The following WAPL variants were observed in gnomAD, a reference collection of about 807,000 sequenced individuals.
The protein encoded by WAPL is wings apart-like protein homolog.
WAPL carries 5 observed loss-of-function variants against 121.0 expected under a neutral mutation model. The observed-to-expected ratio is 0.04, with a 90% CI of 0.02 to 0.09. WAPL has a LOEUF of 0.09. WAPL is among the 10% of genes least tolerant of loss of function. WAPL has a pLI of 1.00. For synonymous variants in WAPL, 480 were observed against 481.5 expected, an observed-to-expected ratio of 1.00 and a Z score of 0.04; for missense variants, 999 against 1,410.8, an observed-to-expected ratio of 0.71 and a Z score of 4.68.
intron 13 of WAPL, 127 bp from the exon 14 acceptor site, chr10:86,453,462 G>A (rs1841050484): frequency 1.7e-6 from 2 of 1,206,022 alleles, no homozygotes; most frequent in Admixed American, 2.5e-5. Flanking sequence ...ACATACTATT[G>A]ATACTTCTGG....
intron 7 of WAPL, among the ~76,000 whole-genome samples, 159 bp from the exon 8 acceptor site, chr10:86,471,262 T>G (rs1841527424): frequency 6.6e-6 from 1 of 152,136 alleles, no homozygotes; most frequent in Non-Finnish European, 1.5e-5. Context: ...AACACATTAT[T>G]AAAAATATAC....
intron 9 of WAPL, among the ~76,000 whole-genome samples, chr10:86,466,145 T>C (rs1210380828): frequency 6.6e-6 from 1 of 152,158 alleles, no homozygotes; most frequent in Non-Finnish European, 1.5e-5. Context: ...CATGACTGTA[T>C]TATAAGGAAC....
chr10:86,483,794 C>CTTTTTTTTTTTT (rs35725128), intron 4 of WAPL, among the ~76,000 whole-genome samples: 1 of 69,180 alleles, frequency 1.4e-5, no homozygotes, highest in African/African-American at 5.8e-5. Context: ...ATTTTTTTTT[C>CTTTTTTTTTTTT]TTTTTTTTTT....
chr10:86,483,279 G>C (rs983215658), intron 4 of WAPL, among the ~76,000 whole-genome samples: 1 of 152,096 alleles, frequency 6.6e-6, no homozygotes, highest in Non-Finnish European at 1.5e-5. Flanking sequence ...AATTGGCTGG[G>C]CGTGGAGGTG....
In WAPL at chr10:86,491,593, A is replaced by G. The variant is rs969455821; in HGVS notation, c.1644+5608T>C. The stretch of plus-strand genomic sequence containing the variant: ...AACACATGACTCCATGACTTAAAAC[A>G]GGGAATCTATAAGATGAGCCTGAGC... On this transcript the variant is annotated intron_variant, in intron 4 of 18. Coordinates refer to ENST00000298767, the MANE Select transcript of WAPL (RefSeq NM_015045.5). Among the ~76,000 whole-genome samples, 7 of 152,300 alleles carry G rather than the reference A, an allele frequency of 4.6e-5. No homozygotes were observed. In the East Asian group the frequency reaches 1.4e-3, roughly 29 times the overall value.
At chr10:86,494,974 T>C (rs538681442) in intron 4 of WAPL, among the ~76,000 whole-genome samples, 1 of 152,226 alleles carries the variant, frequency 6.6e-6, no homozygotes, top group South Asian at 2.1e-4. Flanking sequence ...TGCAAAACTA[T>C]AGGACAATTA....
In WAPL at chr10:86,472,379, T is replaced by C; in HGVS notation, c.1894-35A>G. On this transcript the variant is annotated intron_variant, in intron 6 of 18. Coordinates refer to ENST00000298767, the MANE Select transcript of WAPL (RefSeq NM_015045.5). This position sits in a 1 kb window ranked among gnomAD's most constrained non-coding sequence, Gnocchi z 4.2. Reference sequence around the variant, plus strand: ...AAAAAAAAGTTCACCCCTTTTTAACTAGGAACTAGCATATTTAAATCTATG... The same window carrying C: ...AAAAAAAAGTTCACCCCTTTTTAACCAGGAACTAGCATATTTAAATCTATG... 1.3e-6 allele frequency: 2 copies of C among 1,578,060 alleles called. No individual in the cohort carries two copies. Among genetic ancestry groups the C allele is most frequent in the South Asian group, 2.4e-5 (2 of 84,824 alleles).
chr10:86,490,789 G>A (rs1327018563), intron 4 of WAPL, among the ~76,000 whole-genome samples: 4 of 152,052 alleles, frequency 2.6e-5, no homozygotes, highest in Admixed American at 6.6e-5. Context: ...AAGGCCGGGC[G>A]CGGTGGCTCA....
At chr10:86,470,930 T>C in intron 8 of WAPL, 62 bp downstream of exon 8, 3 of 1,322,978 alleles carry the variant, frequency 2.3e-6, no homozygotes, top group East Asian at 2.3e-5. Flanking sequence ...ATATTTTTGA[T>C]AGCCAAATAG....
intron 8 of WAPL, among the ~76,000 whole-genome samples, chr10:86,469,005 G>C (rs1363908117): frequency 6.6e-6 from 1 of 152,036 alleles, no homozygotes; most frequent in Non-Finnish European, 1.5e-5. Context: ...TCAGGAGGCT[G>C]AGGCAGGACA....
At position 86,449,829 on chromosome 10, in the gene WAPL, T is replaced by G. The variant is rs529067061; in HGVS notation, c.3114+2138A>C. Among the ~76,000 whole-genome samples the G allele has an allele frequency of 7.9e-5, 12 of 151,010 alleles. No individual in the cohort carries two copies. The East Asian group carries it at 9.7e-4, about 12-fold the overall frequency. ...GAGATGGAAAAAGATAGAAAACACG[T>G]TGGTGGTAGCTAGGAGACAGGGAGG... On this transcript the variant is annotated intron_variant, in intron 15 of 18. Coordinates refer to ENST00000298767, the MANE Select transcript of WAPL (RefSeq NM_015045.5).
chr10:86,483,784 A>AATTT (rs1554829982), intron 4 of WAPL, among the ~76,000 whole-genome samples: 2 of 131,430 alleles, frequency 1.5e-5, no homozygotes, highest in African/African-American at 5.7e-5. Context: ...AAAAAAAAAA[A>AATTT]TTTTTTTTTC....
chr10:86,476,793 A>T (rs1841667219), intron 4 of WAPL, among the ~76,000 whole-genome samples: 1 of 152,244 alleles, frequency 6.6e-6, no homozygotes, highest in African/African-American at 2.4e-5. Flanking sequence ...AAGAAAACAG[A>T]AATATATAGC....
At chr10:86,520,778 A>G (rs1842659768) in intron 1 of WAPL, among the ~76,000 whole-genome samples, 1 of 151,320 alleles carries the variant, frequency 6.6e-6, no homozygotes, top group South Asian at 2.1e-4. Flanking sequence ...AAAAAAAAAA[A>G]AAAAAAAAAA....
At chr10:86,481,437 G>C (rs557754016) in intron 4 of WAPL, among the ~76,000 whole-genome samples, 1 of 152,096 alleles carries the variant, frequency 6.6e-6, no homozygotes, top group African/African-American at 2.4e-5. Flanking sequence ...GCAATGGCGC[G>C]ATCTTGGCTC....
In WAPL at chr10:86,500,652, T is replaced by G; in HGVS notation, c.591A>C (p.Glu197Asp). 6.2e-7 allele frequency: 1 copy of G among 1,613,824 alleles called. No individual in the cohort carries two copies. The highest frequency in any genetic ancestry group is 8.5e-7 in the Non-Finnish European group (1 of 1,179,938). ...ADDSTKKPNA[E>D]TTVASEIKET... ...CCTTGATTTCAGAAGCCACTGTAGT[T>G]TCTGCATTGGGTTTCTTAGTACTGT... The change falls in exon 3 of 19, where the codon GAA (glutamate) becomes GAC (aspartate). Residue 197 changes from glutamate to aspartate, a missense_variant. Glu to Asp is a conservative substitution (Grantham distance 45). This residue lies in a region of WAPL where 531 missense variants were observed against 563.1 expected (regional missense o/e 0.94). Transcript: ENST00000298767.
At chr10:86,516,727 G>A (rs892122717) in intron 2 of WAPL, among the ~76,000 whole-genome samples, 2 of 151,962 alleles carry the variant, frequency 1.3e-5, no homozygotes, top group Non-Finnish European at 1.5e-5. Context: ...CGTTTTAGGA[G>A]AGAATACTAG....
chr10:86,500,450 C>T lies in WAPL; in HGVS notation c.793G>A (p.Asp265Asn). ...TCCAATCGATTTTTAAAATCGTCAT[C>T]CTTCATCTCCAAAAGGGGATCACTA... ...LDSDPLLEMK[D>N]DDFKNRLENL... Residue 265 changes from aspartate to asparagine, a missense_variant, in exon 3 of 19, where the codon GAT (aspartate) becomes AAT (asparagine). Asp to Asn is a conservative substitution (Grantham distance 23). Around this residue, in one of 7 missense-constraint regions of WAPL, gnomAD observed 531 missense variants for 563.1 expected, o/e 0.94. Transcript: ENST00000298767. 1 of 1,614,210 alleles carries T rather than the reference C, an allele frequency of 6.2e-7. No homozygotes were observed. The highest frequency in any genetic ancestry group is 8.5e-7 in the Non-Finnish European group (1 of 1,180,044).
chr10:86,506,059 C>T (rs1387532272), intron 2 of WAPL, among the ~76,000 whole-genome samples: 1 of 152,120 alleles, frequency 6.6e-6, no homozygotes, highest in Non-Finnish European at 1.5e-5. Flanking sequence ...GAGTTCAAGA[C>T]CTTGTCTCTA....
Sources: allele counts gnomAD v4.1 joint callset (sites outside exome capture counted in the v4.1 genomes callset), GRCh38; gene constraint gnomAD v4.1.1; regional missense constraint gnomAD v4.1.1; non-coding constraint Gnocchi (gnomAD v3.1); transcripts MANE v1.5; gene names NCBI Gene and HGNC (gene_info 2026-07-23, HGNC 2026-07-21).